The following MYLIP variants were observed in gnomAD, a reference collection of about 807,000 sequenced individuals.
MYLIP encodes myosin regulatory light chain interacting protein, also known as E3 ubiquitin-protein ligase MYLIP.
Under a neutral mutation model 45.8 loss-of-function variants are expected in MYLIP, and 26 were observed. The ratio of observed to expected loss-of-function variants is 0.57; its 90% CI spans 0.42 to 0.79. The LOEUF (loss-of-function observed/expected upper bound fraction) is 0.79, where lower values mean the gene tolerates loss of function less well. MYLIP is among the 30% of genes least tolerant of loss of function. MYLIP has a pLI of 0.00. For synonymous variants in MYLIP, 213 were observed against 218.1 expected, an observed-to-expected ratio of 0.98 and a Z score of 0.21; for missense variants, 494 against 555.6, an observed-to-expected ratio of 0.89 and a Z score of 1.11.
At chr6:16,151,451 G>T (rs530839971), downstream of MYLIP, among the ~76,000 whole-genome samples, 1 of 152,180 alleles carries the variant, frequency 6.6e-6, no homozygotes, top group African/African-American at 2.4e-5. Flanking sequence ...ATATTTGTGT[G>T]TTTGGAGAGC....
chr6:16,141,137 G>A (rs1759662801), intron 2 of MYLIP, among the ~76,000 whole-genome samples: 1 of 152,168 alleles, frequency 6.6e-6, no homozygotes, highest in Non-Finnish European at 1.5e-5. Flanking sequence ...GAACATCCAG[G>A]TGGTGAAGCC....
chr6:16,161,871 A>G, the MYLIP span, among the ~76,000 whole-genome samples: 2 of 152,174 alleles, frequency 1.3e-5, no homozygotes, highest in Non-Finnish European at 2.9e-5. Flanking sequence ...ATCTGATCAA[A>G]TTTTTGTTTT....
chr6:16,143,801 G>C lies in MYLIP; in HGVS notation c.765G>C (p.Met255Ile), dbSNP rs1271118495. 6.2e-7 allele frequency: 1 copy of C among 1,613,666 alleles called. No individual in the cohort carries two copies. The highest frequency in any genetic ancestry group is 2.2e-5 in the East Asian group (1 of 44,890). The change falls in exon 5 of 7, where the codon ATG becomes ATC. Residue 255 changes from methionine to isoleucine, a missense_variant. Transcript: ENST00000356840. ...SGNSIVLLFK[M>I]ISTRAASGLY... ...ACAGCATCGTGCTCTTGTTTAAAAT[G>C]ATCAGCACCAGGGCGGCCAGCGGGC...
At chr6:16,136,564 A>G (rs1759560332) in intron 2 of MYLIP, among the ~76,000 whole-genome samples, 1 of 152,120 alleles carries the variant, frequency 6.6e-6, no homozygotes, top group Non-Finnish European at 1.5e-5. Flanking sequence ...GTAGACACAT[A>G]TTTTCATTTC....
chr6:16,146,651 T>C lies in MYLIP; in HGVS notation c.1249-11T>C. 6.2e-7 allele frequency: 1 copy of C among 1,603,354 alleles called. No homozygotes were observed. On this transcript the variant is annotated splice_polypyrimidine_tract_variant and intron_variant, in intron 6 of 6. Transcript: ENST00000356840. ...GCATGCTAACAGAGACTGTTGGCTT[T>C]TCTTTCCCAGTCATGTCCCGTCTGC...
intron 2 of MYLIP, among the ~76,000 whole-genome samples, chr6:16,136,484 T>C (rs1028459212): frequency 1.3e-5 from 2 of 152,230 alleles, no homozygotes; most frequent in Admixed American, 1.3e-4. Flanking sequence ...GTACTCCTAA[T>C]AATGAACACC....
downstream of MYLIP, among the ~76,000 whole-genome samples, chr6:16,148,649 T>C (rs899570545): frequency 9.2e-5 from 14 of 152,126 alleles, 2 homozygotes; most frequent in Admixed American, 6.5e-4. Context: ...GTGGCAAAGC[T>C]GGAAGTTAAC....
intron 5 of MYLIP, 56 bp downstream of exon 5, chr6:16,143,919 G>A (rs1340053714): frequency 1.9e-6 from 3 of 1,561,062 alleles, no homozygotes; most frequent in South Asian, 1.2e-5. Context: ...GTTTTTAGGT[G>A]ACAACCAGGT....
rs150249166 is a variant in MYLIP at position 16,135,022 on chromosome 6, G to A, written c.278+4275G>A. 1.1e-4 allele frequency among the ~76,000 whole-genome samples: 17 copies of A among 152,288 alleles called. No homozygotes were observed. The East Asian group carries it at 2.9e-3, about 26-fold the overall frequency. On this transcript the variant is annotated intron_variant, in intron 2 of 6. Coordinates refer to ENST00000356840, the MANE Select transcript of MYLIP (RefSeq NM_013262.4). ...AGGTGACCAGTGTTGAGCAGCTGTAGGGACACTAGGTGTGTTTCCTCTGAA... is the reference window on the plus strand; with the variant it reads ...AGGTGACCAGTGTTGAGCAGCTGTAAGGACACTAGGTGTGTTTCCTCTGAA...
rs553015151 is a variant in MYLIP, at chr6:16,142,477, A to G, written c.465-543A>G. Among the ~76,000 whole-genome samples, 13 of 152,340 alleles carry G rather than the reference A, an allele frequency of 8.5e-5. No individual in the cohort carries two copies. In the South Asian group the frequency reaches 2.7e-3, roughly 32 times the overall value. ...AGTTACCCCAAAACTTAGTGACATAAAACAACAAAAATTGTCTCACAGTTC... is the reference window on the plus strand; with the variant it reads ...AGTTACCCCAAAACTTAGTGACATAGAACAACAAAAATTGTCTCACAGTTC... On this transcript the variant is annotated intron_variant, in intron 3 of 6. Coordinates refer to ENST00000356840, the MANE Select transcript of MYLIP (RefSeq NM_013262.4).
rs886882397 is a variant in MYLIP, at chr6:16,129,190, C to T, written c.-133C>T. ...CGAGTGGCGGCCGCGGGGCCCCGGA[C>T]AAGGGTCCGCAGAGCTGCAGCCTTC... On this transcript the variant is annotated 5_prime_UTR_variant, in exon 1 of 7. Transcript: ENST00000356840. The surrounding 1 kb of genome is among the most constrained non-coding windows in gnomAD (Gnocchi z 5.1). 9 of 917,822 alleles carry T rather than the reference C, an allele frequency of 9.8e-6. No homozygotes were observed. In the Admixed American group the frequency reaches 2.0e-4, roughly 20 times the overall value. The allele number at this position is 917,822 out of a possible 1,614,324, so 56.9% of individuals were successfully genotyped here. A position where few individuals can be genotyped will look rare whatever the true frequency, so the allele number is the denominator to read the frequency against.
At chr6:16,148,933 T>G (rs1561792215), downstream of MYLIP, among the ~76,000 whole-genome samples, 1 of 152,198 alleles carries the variant, frequency 6.6e-6, no homozygotes, top group African/African-American at 2.4e-5. Flanking sequence ...TTTATTTTTT[T>G]TAATTAGAGG....
downstream of MYLIP, among the ~76,000 whole-genome samples, chr6:16,148,416 T>C (rs1168181322): frequency 3.3e-5 from 5 of 151,574 alleles, no homozygotes; most frequent in Admixed American, 3.3e-4. Flanking sequence ...AGTAACAAAC[T>C]ATAGAAATGA....
intron 2 of MYLIP, 102 bp downstream of exon 2, chr6:16,130,849 T>C: frequency 8.5e-7 from 1 of 1,177,236 alleles, no homozygotes. Context: ...TTTGTTTTGA[T>C]GCGGAGTTCC....
intron 6 of MYLIP, 123 bp downstream of exon 6, chr6:16,145,440 G>A: frequency 8.7e-7 from 1 of 1,148,800 alleles, no homozygotes. Context: ...CACCCGGAAA[G>A]GGTCTTTGTA....
At chr6:16,148,384 A>G (rs767110410), downstream of MYLIP, 37 of 151,478 alleles carry the variant, frequency 2.4e-4, no homozygotes, top group Non-Finnish European at 2.2e-4. Context: ...TCGGTGCTCT[A>G]CAAATTCAGA....
the MYLIP span, among the ~76,000 whole-genome samples, chr6:16,160,645 T>C: frequency 1.3e-5 from 2 of 151,922 alleles, no homozygotes; most frequent in Non-Finnish European, 2.9e-5. Flanking sequence ...CTACAAAAAA[T>C]ACAAAAATTA....
At chr6:16,140,918 G>A (rs1759657556) in intron 2 of MYLIP, among the ~76,000 whole-genome samples, 1 of 152,232 alleles carries the variant, frequency 6.6e-6, no homozygotes, top group African/African-American at 2.4e-5. Flanking sequence ...GAGCAGCGCA[G>A]AGAATAGTGT....
At chr6:16,149,045 T>C (rs1759847699), downstream of MYLIP, among the ~76,000 whole-genome samples, 1 of 152,198 alleles carries the variant, frequency 6.6e-6, no homozygotes, top group African/African-American at 2.4e-5. Context: ...TGAAACCTAC[T>C]AAGTTATTGA....
Sources: allele counts gnomAD v4.1 joint callset (sites outside exome capture counted in the v4.1 genomes callset), GRCh38; gene constraint gnomAD v4.1.1; non-coding constraint Gnocchi (gnomAD v3.1); transcripts MANE v1.5; gene names NCBI Gene and HGNC (gene_info 2026-07-23, HGNC 2026-07-21).